Variants in NRXN3 observed in about 807,000 individuals in gnomAD.
The protein encoded by NRXN3 is neurexin III.
NRXN3 carries 32 observed loss-of-function variants against 137.6 expected under a neutral mutation model. The ratio of observed to expected loss-of-function variants is 0.23; its 90% CI spans 0.18 to 0.31. The LOEUF is 0.31. Among genes scored for constraint, NRXN3 ranks in the 10% least tolerant of loss-of-function variants. The pLI, the probability that NRXN3 is intolerant of heterozygous loss-of-function variation, is 1.00. For missense variants in NRXN3, 1,574 were observed against 2,062.5 expected, an observed-to-expected ratio of 0.76 and a Z score of 4.59; for synonymous variants, 798 against 784.5, an observed-to-expected ratio of 1.02 and a Z score of -0.29.
chr14:79,217,141 A>AAAAGAAAGAAAGAAAGAAAGAAAGAAAG (rs34660488), intron 15 of NRXN3, among the ~76,000 whole-genome samples: 6 of 149,710 alleles, frequency 4.0e-5, no homozygotes, highest in Admixed American at 1.3e-4. Flanking sequence ...TGTCTCAAAA[A>AAAAGAAAGAAAGAAAGAAAGAAAGAAAG]AAAGAAAGAA....
intron 15 of NRXN3, among the ~76,000 whole-genome samples, chr14:78,996,262 G>T (rs969284920): frequency 6.6e-6 from 1 of 151,936 alleles, no homozygotes; most frequent in African/African-American, 2.4e-5. Context: ...TAAACCCCAC[G>T]GCAACCCTAA....
chr14:78,934,258 C>G (rs7493052), intron 10 of NRXN3, among the ~76,000 whole-genome samples: 2 of 151,552 alleles, frequency 1.3e-5, no homozygotes, highest in African/African-American at 4.8e-5. Context: ...CAGTCCATTT[C>G]TATTAAGTCT....
intron 4 of NRXN3, among the ~76,000 whole-genome samples, chr14:78,305,969 C>T (rs1329417483): frequency 2.0e-5 from 3 of 152,090 alleles, no homozygotes; most frequent in Non-Finnish European, 4.4e-5. Context: ...GTGTTTTTGG[C>T]AGTGATGTCT....
At position 78,866,950 on chromosome 14, in the gene NRXN3, A is replaced by C. The variant is rs143055337; in HGVS notation, c.2275+56606A>C. Among the ~76,000 whole-genome samples the C allele has an allele frequency of 6.2e-4, 94 of 151,742 alleles. 2 individuals carry two copies. In the East Asian group the frequency reaches 0.017, roughly 27 times the overall value. On this transcript the variant is annotated intron_variant, in intron 10 of 20. Transcript: ENST00000335750. ...GCAGCTGAGACTACAGGCACACACC[A>C]CCATGCCCGGCTAATTTTTTGTATT... is the stretch of plus-strand genomic sequence containing the variant.
intron 8 of NRXN3, among the ~76,000 whole-genome samples, chr14:78,724,774 G>A (rs1595193287): frequency 1.3e-5 from 2 of 152,248 alleles, no homozygotes; most frequent in East Asian, 3.9e-4. Context: ...TTAGAGGGAG[G>A]AAATGTGGAG....
At chr14:79,820,821 C>T (rs956889814) in intron 20 of NRXN3, among the ~76,000 whole-genome samples, 4 of 152,106 alleles carry the variant, frequency 2.6e-5, no homozygotes, top group African/African-American at 9.7e-5. Context: ...ATGAAAGACT[C>T]ATATATAAAC....
chr14:78,886,829 A>G (rs574386332), intron 10 of NRXN3, among the ~76,000 whole-genome samples: 6 of 152,246 alleles, frequency 3.9e-5, no homozygotes, highest in South Asian at 2.1e-4. Context: ...TGCTGCCCCA[A>G]TGGCCCAGGC....
chr14:79,220,639 T>C (rs990034671), intron 15 of NRXN3, among the ~76,000 whole-genome samples: 2 of 152,180 alleles, frequency 1.3e-5, no homozygotes, highest in Admixed American at 1.3e-4. Flanking sequence ...CCCATAGTTT[T>C]GCATTTTCTA....
intron 15 of NRXN3, among the ~76,000 whole-genome samples, chr14:79,298,547 G>T (rs573559169): frequency 1.3e-5 from 2 of 152,142 alleles, no homozygotes; most frequent in African/African-American, 4.8e-5. Flanking sequence ...ACTTGCCTGT[G>T]AGCTGCTATT....
In NRXN3 at chr14:79,383,397, T is replaced by A. The variant is rs2094523954; in HGVS notation, c.3263-83824T>A. 2.0e-5 allele frequency among the ~76,000 whole-genome samples: 3 copies of A among 152,292 alleles called. No individual in the cohort carries two copies. The South Asian group carries it at 6.2e-4, about 32-fold the overall frequency. On this transcript the variant is annotated intron_variant, in intron 15 of 20. Transcript: ENST00000335750. ...TTTCTCTTGGACAAAGGGAGTAATT[T>A]TACTATGAATCCATCATGTGTCCCA...
intron 15 of NRXN3, among the ~76,000 whole-genome samples, chr14:79,075,946 T>C (rs2045897793): frequency 6.6e-6 from 1 of 152,162 alleles, no homozygotes; most frequent in African/African-American, 2.4e-5. Flanking sequence ...AGCTAAGATG[T>C]GATCAATATG....
chr14:79,768,317 G>A (rs2099063606), intron 19 of NRXN3, among the ~76,000 whole-genome samples: 1 of 152,222 alleles, frequency 6.6e-6, no homozygotes, highest in Admixed American at 6.5e-5. Flanking sequence ...ACCTCTGGGG[G>A]CAGGGCACAC....
chr14:79,800,169 T>G (rs1364431406), intron 19 of NRXN3, among the ~76,000 whole-genome samples: 1 of 152,160 alleles, frequency 6.6e-6, no homozygotes, highest in East Asian at 1.9e-4. Context: ...TATGAGAGCT[T>G]TAGACAATCA....
At chr14:79,741,839 A>G (rs1474162877) in intron 19 of NRXN3, among the ~76,000 whole-genome samples, 2 of 151,992 alleles carry the variant, frequency 1.3e-5, no homozygotes, top group Non-Finnish European at 2.9e-5. Flanking sequence ...CAGAGTATGT[A>G]TACGTATATA....
At chr14:79,523,303 C>T (rs917173036) in intron 16 of NRXN3, among the ~76,000 whole-genome samples, 1 of 152,130 alleles carries the variant, frequency 6.6e-6, no homozygotes, top group Non-Finnish European at 1.5e-5. Flanking sequence ...AGAATTTCTT[C>T]TTTCTCATGA....
chr14:79,140,913 C>G (rs1447298469), intron 15 of NRXN3, among the ~76,000 whole-genome samples: 1 of 151,998 alleles, frequency 6.6e-6, no homozygotes, highest in Non-Finnish European at 1.5e-5. Flanking sequence ...AATAAACATA[C>G]AAACACATAG....
At position 78,613,323 on chromosome 14, in the gene NRXN3, G is replaced by A. The variant is rs138747613; in HGVS notation, c.758-31797G>A. The stretch of plus-strand genomic sequence containing the variant: ...TGGTTCAGGAAATAAGTACTCTCAG[G>A]ATTGAGACATATTTTTACATGTTTC... On this transcript the variant is annotated intron_variant, in intron 4 of 20. Transcript: ENST00000335750. Among the ~76,000 whole-genome samples, 656 of 152,222 alleles carry A rather than the reference G, an allele frequency of 4.3e-3. 5 individuals are homozygous for A. Among genetic ancestry groups the A allele is most frequent in the African/African-American group, 0.014 (600 of 41,534 alleles).
intron 19 of NRXN3, among the ~76,000 whole-genome samples, chr14:79,741,592 C>T (rs1439825912): frequency 1.3e-5 from 2 of 152,042 alleles, no homozygotes; most frequent in African/African-American, 4.8e-5. Flanking sequence ...TCAAGTGACT[C>T]TCATGCCTCA....
chr14:78,731,969 T>TA (rs2098518244), intron 8 of NRXN3, among the ~76,000 whole-genome samples: 1 of 152,230 alleles, frequency 6.6e-6, no homozygotes, highest in Admixed American at 6.5e-5. Context: ...ACTTTGTGGA[T>TA]AGGTTGAGGT....
Sources: allele counts gnomAD v4.1 joint callset (sites outside exome capture counted in the v4.1 genomes callset), GRCh38; gene constraint gnomAD v4.1.1; transcripts MANE v1.5; gene names NCBI Gene and HGNC (gene_info 2026-07-23, HGNC 2026-07-21).